The following FAM227B variants were observed in gnomAD, a reference collection of about 807,000 sequenced individuals.
The protein encoded by FAM227B is family with sequence similarity 227 member B, also known as protein FAM227B.
Under a neutral mutation model 73.8 loss-of-function variants are expected in FAM227B, and 88 were observed. The observed-to-expected ratio is 1.19, with a 90% CI of 1.00 to 1.42. The LOEUF (loss-of-function observed/expected upper bound fraction) is 1.42, where lower values mean the gene tolerates loss of function less well. FAM227B is among the 40% of genes most tolerant of loss of function. The probability of loss-of-function intolerance (pLI) is 0.00; values close to 1 mark genes in which losing one functional copy is unlikely to be tolerated. For missense variants in FAM227B, 632 were observed against 590.9 expected, an observed-to-expected ratio of 1.07 and a Z score of -0.72; for synonymous variants, 210 against 190.5, an observed-to-expected ratio of 1.10 and a Z score of -0.84.
At chr15:49,555,227 G>A (rs1334194643) in intron 9 of FAM227B, among the ~76,000 whole-genome samples, 1 of 152,136 alleles carries the variant, frequency 6.6e-6, no homozygotes, top group African/African-American at 2.4e-5. Flanking sequence ...ACTCTCTTCG[G>A]GACCTCTTAT....
chr15:49,332,109 AC>A (rs2038899953), intron 14 of FAM227B, among the ~76,000 whole-genome samples: 1 of 151,024 alleles, frequency 6.6e-6, no homozygotes, highest in African/African-American at 2.4e-5. Flanking sequence ...ACACACACAC[AC>A]ACACACACAT....
chr15:49,581,261 A>G (rs1361255481), intron 5 of FAM227B, among the ~76,000 whole-genome samples: 1 of 152,218 alleles, frequency 6.6e-6, no homozygotes, highest in Non-Finnish European at 1.5e-5. Context: ...GAACCTCTCC[A>G]GGCTAACAGC....
chr15:49,582,742 C>G (rs932844082), intron 5 of FAM227B, among the ~76,000 whole-genome samples: 17 of 152,140 alleles, frequency 1.1e-4, no homozygotes, highest in Non-Finnish European at 2.2e-4. Flanking sequence ...AAACACTCCT[C>G]AGCAAATGCA....
chr15:49,545,592 T>C (rs2071718060), intron 9 of FAM227B, among the ~76,000 whole-genome samples: 1 of 152,204 alleles, frequency 6.6e-6, no homozygotes, highest in Non-Finnish European at 1.5e-5. Flanking sequence ...AGATTGTCTA[T>C]TTGTGCTTTT....
In FAM227B at chr15:49,457,924, T is replaced by C. The variant is rs371393383; in HGVS notation, c.1012+50287A>G. Among the ~76,000 whole-genome samples the C allele has an allele frequency of 1.7e-4, 26 of 152,178 alleles. No homozygotes were observed. The South Asian group carries it at 5.4e-3, about 32-fold the overall frequency. On this transcript the variant is annotated intron_variant, in intron 11 of 15. Transcript: ENST00000299338. ...TAGCACAAGTTAAACATTTAATTAA[T>C]GTTAGAAAAATTAAGCCTTTACTGA...
chr15:49,406,229 C>CCAG (rs200026980), intron 11 of FAM227B, among the ~76,000 whole-genome samples: 13 of 152,096 alleles, frequency 8.5e-5, no homozygotes, highest in South Asian at 8.3e-4. Flanking sequence ...TTCACACATG[C>CCAG]CAGCAGCAGC....
chr15:49,507,199 T>C (rs1406303234), intron 11 of FAM227B, among the ~76,000 whole-genome samples: 1 of 152,030 alleles, frequency 6.6e-6, no homozygotes, highest in African/African-American at 2.4e-5. Flanking sequence ...TGATATATAC[T>C]GCGATAAGAA....
At chr15:49,470,918 A>G (rs1483086743) in intron 11 of FAM227B, among the ~76,000 whole-genome samples, 1 of 152,226 alleles carries the variant, frequency 6.6e-6, no homozygotes, top group Non-Finnish European at 1.5e-5. Flanking sequence ...TCCAGGATGT[A>G]AGGACACCAA....
chr15:49,581,248 A>T (rs1003921742), intron 5 of FAM227B, among the ~76,000 whole-genome samples: 1 of 152,190 alleles, frequency 6.6e-6, no homozygotes, highest in Non-Finnish European at 1.5e-5. Flanking sequence ...AAACCTACAA[A>T]GGGAACCTCT....
At chr15:49,404,403 T>C (rs768190412) in intron 11 of FAM227B, among the ~76,000 whole-genome samples, 7 of 152,170 alleles carry the variant, frequency 4.6e-5, no homozygotes, top group Non-Finnish European at 7.3e-5. Flanking sequence ...CTAAGTCTCT[T>C]TGAAGGTCTC....
intron 9 of FAM227B, among the ~76,000 whole-genome samples, chr15:49,558,999 T>C (rs916955597): frequency 6.6e-6 from 1 of 152,002 alleles, no homozygotes; most frequent in Non-Finnish European, 1.5e-5. Flanking sequence ...CATAAAACTG[T>C]CTGTATCAGG....
intron 11 of FAM227B, among the ~76,000 whole-genome samples, chr15:49,495,714 C>G (rs766209134): frequency 6.6e-6 from 1 of 152,028 alleles, no homozygotes; most frequent in Non-Finnish European, 1.5e-5. Context: ...GAAGAGGTAG[C>G]AAAATTAGAG....
intron 3 of FAM227B, among the ~76,000 whole-genome samples, chr15:49,601,275 AT>A (rs1406115289): frequency 6.6e-6 from 1 of 151,460 alleles, no homozygotes; most frequent in Admixed American, 6.6e-5. Context: ...CTTTCTCTTT[AT>A]CTCTTGTGTA....
intron 2 of FAM227B, among the ~76,000 whole-genome samples, chr15:49,614,351 G>C (rs760348012): frequency 6.6e-6 from 1 of 152,202 alleles, no homozygotes; most frequent in African/African-American, 2.4e-5. Context: ...TATGGGGTTA[G>C]TGAAAAGTGG....
intron 10 of FAM227B, among the ~76,000 whole-genome samples, chr15:49,529,743 A>G (rs2060473318): frequency 6.6e-6 from 1 of 151,688 alleles, no homozygotes; most frequent in African/African-American, 2.4e-5. Flanking sequence ...TTATAGTCAC[A>G]TCTACTCTTT....
intron 11 of FAM227B, among the ~76,000 whole-genome samples, chr15:49,388,933 T>C (rs139981342): frequency 4.6e-5 from 7 of 151,928 alleles, no homozygotes; most frequent in Non-Finnish European, 1.0e-4. Flanking sequence ...AAAACCACAA[T>C]GAGATATCAC....
chr15:49,534,803 G>A (rs372616299), intron 10 of FAM227B, among the ~76,000 whole-genome samples: 6 of 151,256 alleles, frequency 4.0e-5, no homozygotes, highest in African/African-American at 1.5e-4. Flanking sequence ...GAGGAATGTG[G>A]GAAAATTAAA....
At chr15:49,339,549 G>T (rs1428383005) in intron 13 of FAM227B, among the ~76,000 whole-genome samples, 1 of 152,158 alleles carries the variant, frequency 6.6e-6, no homozygotes, top group Non-Finnish European at 1.5e-5. Context: ...TCCTGTAGGA[G>T]GTGTCTGTTG....
chr15:49,332,656 T>C (rs1312711183), intron 14 of FAM227B, among the ~76,000 whole-genome samples: 1 of 152,234 alleles, frequency 6.6e-6, no homozygotes, highest in Non-Finnish European at 1.5e-5. Flanking sequence ...ATAAGACTAT[T>C]AATTTCACTG....
Sources: allele counts gnomAD v4.1 joint callset (sites outside exome capture counted in the v4.1 genomes callset), GRCh38; gene constraint gnomAD v4.1.1; transcripts MANE v1.5; gene names NCBI Gene and HGNC (gene_info 2026-07-23, HGNC 2026-07-21).